SLC26A7: variants seen among roughly 807,000 people sequenced by gnomAD.
SLC26A7 encodes anion exchange transporter.
In SLC26A7, 59 loss-of-function variants were observed where a neutral mutation model predicts 82.5. The observed-to-expected ratio is 0.72, with a 90% CI of 0.58 to 0.89. The LOEUF is 0.89. Ranked by LOEUF, SLC26A7 falls within the 40% of genes least tolerant of loss-of-function variation. SLC26A7 has a pLI of 0.00. For missense variants in SLC26A7, 820 were observed against 793.0 expected, an observed-to-expected ratio of 1.03 and a Z score of -0.41; for synonymous variants, 271 against 274.3, an observed-to-expected ratio of 0.99 and a Z score of 0.12.
At chr8:91,319,925 G>C (rs539021100) in intron 5 of SLC26A7, among the ~76,000 whole-genome samples, 2 of 152,124 alleles carry the variant, frequency 1.3e-5, no homozygotes, top group Admixed American at 6.5e-5. Context: ...TGTTTCTCTG[G>C]TGGGAATGTG....
At chr8:91,316,451 A>ATTTTTTTTTTTTT (rs58981485) in intron 4 of SLC26A7, among the ~76,000 whole-genome samples, 1 of 34,390 alleles carries the variant, frequency 2.9e-5, no homozygotes. Context: ...CTCAACACTA[A>ATTTTTTTTTTTTT]TTTTTTTTTT....
At chr8:91,284,178 G>T (rs924261584) in intron 2 of SLC26A7, among the ~76,000 whole-genome samples, 1 of 152,118 alleles carries the variant, frequency 6.6e-6, no homozygotes, top group African/African-American at 2.4e-5. Context: ...ATTTATAATT[G>T]TTTTTCTGAG....
At chr8:91,360,251 T>G (rs1814012104) in intron 11 of SLC26A7, among the ~76,000 whole-genome samples, 1 of 152,172 alleles carries the variant, frequency 6.6e-6, no homozygotes, top group African/African-American at 2.4e-5. Context: ...TGCTGATGTA[T>G]TTTCTACAAG....
chr8:91,331,808 A>T lies in SLC26A7; in HGVS notation c.643-2487A>T, dbSNP rs75656605. Reference sequence around the variant, plus strand: ...GAGTTCCCATTACTTCCCCCAGATTAGACTATTTAAATTATTATTTAAGCA... The same window carrying T: ...GAGTTCCCATTACTTCCCCCAGATTTGACTATTTAAATTATTATTTAAGCA... On this transcript the variant is annotated intron_variant, in intron 5 of 18. Coordinates refer to ENST00000276609, the MANE Select transcript of SLC26A7 (RefSeq NM_052832.4). 3.6e-3 allele frequency among the ~76,000 whole-genome samples: 543 copies of T among 152,212 alleles called. 10 individuals carry two copies. Among genetic ancestry groups the T allele is most frequent in the South Asian group, 0.027 (129 of 4,830 alleles).
Position 91,285,031 on chromosome 8 carries a change from A to C in SLC26A7, c.194-4105A>C, listed in dbSNP as rs115310726. 6.9e-3 allele frequency among the ~76,000 whole-genome samples: 1,045 copies of C among 152,338 alleles called. 9 individuals carry two copies. Among genetic ancestry groups the C allele is most frequent in the African/African-American group, 0.023 (948 of 41,580 alleles). ...CTTACACCACAGGAATTTATTCTTG[A>C]GGCTAGAAGCCCAAAATTAAGGTGT... On this transcript the variant is annotated intron_variant, in intron 2 of 18. Transcript: ENST00000276609.
intron 16 of SLC26A7, among the ~76,000 whole-genome samples, 190 bp downstream of exon 16, chr8:91,389,628 A>G (rs1814899276): frequency 6.6e-6 from 1 of 152,134 alleles, no homozygotes; most frequent in Non-Finnish European, 1.5e-5. Context: ...TTCAGCTTCT[A>G]GTTGTATGTA....
At chr8:91,284,041 A>G (rs1811645727) in intron 2 of SLC26A7, among the ~76,000 whole-genome samples, 1 of 152,222 alleles carries the variant, frequency 6.6e-6, no homozygotes, top group Non-Finnish European at 1.5e-5. Context: ...GTACTTTAAC[A>G]TGATTTTGAG....
At chr8:91,263,679 C>T (rs769866265) in intron 2 of SLC26A7, among the ~76,000 whole-genome samples, 39 of 152,018 alleles carry the variant, frequency 2.6e-4, no homozygotes, top group Non-Finnish European at 4.9e-4. Flanking sequence ...CAAGGTTCCT[C>T]GTGTAAGACT....
intron 9 of SLC26A7, among the ~76,000 whole-genome samples, chr8:91,346,035 G>A (rs1813553892): frequency 6.6e-6 from 1 of 152,026 alleles, no homozygotes; most frequent in Non-Finnish European, 1.5e-5. Flanking sequence ...ACAACAGAAC[G>A]TTTCTAAGGA....
intron 15 of SLC26A7, among the ~76,000 whole-genome samples, chr8:91,383,044 G>A (rs1290958421): frequency 2.0e-5 from 3 of 152,080 alleles, no homozygotes; most frequent in African/African-American, 7.2e-5. Context: ...ACTTAAAATT[G>A]AGATTCAAGA....
intron 18 of SLC26A7, 144 bp downstream of exon 18, chr8:91,394,183 T>A (rs1429136451): frequency 1.2e-6 from 2 of 1,611,502 alleles, no homozygotes; most frequent in Non-Finnish European, 1.7e-6. Context: ...AGACTTTCTA[T>A]TACAGGTAAA....
chr8:91,240,837 C>T (rs541848758), intron 2 of SLC26A7, among the ~76,000 whole-genome samples: 1 of 152,030 alleles, frequency 6.6e-6, no homozygotes, highest in Non-Finnish European at 1.5e-5. Context: ...TTCAATTGAT[C>T]CAGAAAACTA....
intron 4 of SLC26A7, among the ~76,000 whole-genome samples, chr8:91,306,200 C>G (rs1289990913): frequency 1.3e-5 from 2 of 152,076 alleles, no homozygotes; most frequent in African/African-American, 4.8e-5. Flanking sequence ...AATGGTTTTC[C>G]TCCTTAAGTG....
At chr8:91,392,185 A>G (rs1808422179) in intron 16 of SLC26A7, among the ~76,000 whole-genome samples, 1 of 152,212 alleles carries the variant, frequency 6.6e-6, no homozygotes, top group African/African-American at 2.4e-5. Context: ...CAAAACCAGC[A>G]GTTTTGTATC....
chr8:91,328,394 G>A (rs1248812562), intron 5 of SLC26A7, among the ~76,000 whole-genome samples: 4 of 152,082 alleles, frequency 2.6e-5, no homozygotes, highest in Non-Finnish European at 5.9e-5. Flanking sequence ...TGCAATGGTA[G>A]CTTTAATATT....
rs547724407 is a variant in SLC26A7 at position 91,374,563 on chromosome 8, C to T, written c.1675+4730C>T. On this transcript the variant is annotated intron_variant, in intron 15 of 18. Transcript: ENST00000276609. ...GAGAGTTTCTCTTAGTATTGATTTA[C>T]ACTTTTATCCCACTGTATTCCAAAA... Among the ~76,000 whole-genome samples the T allele has an allele frequency of 7.9e-5, 12 of 152,090 alleles. No homozygotes were observed. In the South Asian group the frequency reaches 1.4e-3, roughly 18 times the overall value.
chr8:91,372,286 C>A (rs1814386626), intron 15 of SLC26A7, among the ~76,000 whole-genome samples: 1 of 151,650 alleles, frequency 6.6e-6, no homozygotes, highest in Non-Finnish European at 1.5e-5. Context: ...GTTTTGAGAT[C>A]ATAGTCATAA....
intron 2 of SLC26A7, among the ~76,000 whole-genome samples, chr8:91,225,748 CATCT>C (rs764982905): frequency 3.6e-4 from 50 of 140,144 alleles, no homozygotes; most frequent in Admixed American, 5.3e-4. Flanking sequence ...TTTATCCATC[CATCT>C]ATCTCAGGTG....
intron 6 of SLC26A7, among the ~76,000 whole-genome samples, chr8:91,334,917 A>T (rs932515292): frequency 6.6e-6 from 1 of 152,146 alleles, no homozygotes; most frequent in African/African-American, 2.4e-5. Flanking sequence ...CATTGAAAGG[A>T]TGCTCATGAT....
Sources: allele counts gnomAD v4.1 joint callset (sites outside exome capture counted in the v4.1 genomes callset), GRCh38; gene constraint gnomAD v4.1.1; transcripts MANE v1.5; gene names NCBI Gene and HGNC (gene_info 2026-07-23, HGNC 2026-07-21).